Variants in WNK3 observed in about 807,000 individuals in gnomAD.
WNK3 encodes the protein WNK lysine deficient protein kinase 3.
WNK3 carries 18 observed loss-of-function variants against 116.7 expected under a neutral mutation model. The ratio of observed to expected loss-of-function variants is 0.15; its 90% CI spans 0.11 to 0.23. The LOEUF (loss-of-function observed/expected upper bound fraction) is 0.23. Ranked by LOEUF, WNK3 falls within the 10% of genes least tolerant of loss-of-function variation. The probability of loss-of-function intolerance (pLI) is 1.00; values close to 1 mark genes in which losing one functional copy is unlikely to be tolerated. For missense variants in WNK3, 993 were observed against 1,323.8 expected, an observed-to-expected ratio of 0.75 and a Z score of 3.88; for synonymous variants, 404 against 469.4, an observed-to-expected ratio of 0.86 and a Z score of 1.80.
Position 54,309,334 on chromosome X carries a change from G to GA in WNK3, c.711-20dup, listed in dbSNP as rs782121842. On this transcript the variant is annotated intron_variant, in intron 3 of 23. Coordinates refer to ENST00000354646, the Ensembl canonical transcript of WNK3. ...TAAGTACCTATACAAAGAAACAAAA[G>GA]ACCATGTGTAAACAAACATATCCAA... 5.9e-5 allele frequency: 67 copies of GA among 1,132,747 alleles called. No homozygotes were observed. Among genetic ancestry groups the GA allele is most frequent in the Non-Finnish European group, 2.4e-6 (2 of 828,746 alleles). The allele number at this position is 1,132,747 out of a possible 1,213,427, so 93.4% of individuals were successfully genotyped here. A position where few individuals can be genotyped will look rare whatever the true frequency, so the allele number is the denominator to read the frequency against.
intron 2 of WNK3, among the ~76,000 whole-genome samples, chrX:54,313,970 T>A (rs1350534808): frequency 9.1e-6 from 1 of 109,445 alleles, no homozygotes; most frequent in Non-Finnish European, 1.9e-5. Flanking sequence ...GGCGGGCAGA[T>A]CGCCTGAGGT....
intron 20 of WNK3, among the ~76,000 whole-genome samples, chrX:54,233,483 G>A (rs782530827): frequency 3.9e-5 from 4 of 102,234 alleles, no homozygotes; most frequent in East Asian, 3.1e-4. Flanking sequence ...GAGGGAGGGA[G>A]GGAGGGAAGG....
intron 10 of WNK3, among the ~76,000 whole-genome samples, chrX:54,275,415 ATGTGTGTG>A (rs782672834): frequency 0.031 from 1,983 of 64,376 alleles, 22 homozygotes; most frequent in Non-Finnish European, 0.042. Flanking sequence ...ATAAGTTCAT[ATGTGTGTG>A]TGTGTGTGTG....
intron 2 of WNK3, among the ~76,000 whole-genome samples, chrX:54,324,813 G>A (rs1557172940): frequency 1.8e-5 from 2 of 112,447 alleles, no homozygotes; most frequent in African/African-American, 6.4e-5. Flanking sequence ...GTCCCAGTGC[G>A]AATACTGTAA....
intron 12 of WNK3, 131 bp downstream of exon 12, chrX:54,255,609 T>C: frequency 2.0e-6 from 1 of 500,598 alleles, no homozygotes; most frequent in South Asian, 7.7e-5. Context: ...CATTGGAAAG[T>C]CTGTAACGGA....
chrX:54,344,509 T>C (rs1299059210), intron 1 of WNK3, among the ~76,000 whole-genome samples: 1 of 112,718 alleles, frequency 8.9e-6, no homozygotes, highest in Admixed American at 9.4e-5. Flanking sequence ...AAGGTTCACA[T>C]GTTCCTTTTG....
intron 10 of WNK3, among the ~76,000 whole-genome samples, chrX:54,271,981 C>T (rs1052080880): frequency 8.9e-6 from 1 of 112,182 alleles, no homozygotes; most frequent in Non-Finnish European, 1.9e-5. Context: ...AGATACAAAG[C>T]AATACATGCC....
chrX:54,239,105 G>A lies in WNK3; in HGVS notation c.3652-6C>T. 2.0e-6 allele frequency: 2 copies of A among 977,916 alleles called. No homozygotes were observed. Among genetic ancestry groups the A allele is most frequent in the South Asian group, 2.9e-5 (1 of 34,245 alleles). The allele number at this position is 977,916 out of a possible 1,213,427, so 80.6% of individuals were successfully genotyped here. A position where few individuals can be genotyped will look rare whatever the true frequency, so the allele number is the denominator to read the frequency against. ...GAAGCATCTGAGGACATCTCCTAAT[G>A]GAGACAAAACAAAACAAAACAAAAC... On this transcript the variant is annotated splice_polypyrimidine_tract_variant and splice_region_variant and intron_variant, in intron 17 of 23. Transcript: ENST00000354646.
At chrX:54,234,854 CCAAAA>C (rs1407847509) in intron 20 of WNK3, among the ~76,000 whole-genome samples, 10 of 108,554 alleles carry the variant, frequency 9.2e-5, no homozygotes, top group South Asian at 3.9e-4. Context: ...AAAAACCAAA[CCAAAA>C]CAAAACAAAA....
intron 11 of WNK3, among the ~76,000 whole-genome samples, chrX:54,259,023 A>C (rs1340593756): frequency 3.7e-5 from 4 of 109,276 alleles, no homozygotes; most frequent in Non-Finnish European, 7.6e-5. Context: ...CTTAACCCTT[A>C]CCAGCTTTTC....
At chrX:54,298,645 C>T (rs1365826708) in intron 6 of WNK3, among the ~76,000 whole-genome samples, 1 of 111,734 alleles carries the variant, frequency 8.9e-6, no homozygotes, top group Non-Finnish European at 1.9e-5. Flanking sequence ...TACGGAGTGA[C>T]TTCAATTAAA....
intron 1 of WNK3, among the ~76,000 whole-genome samples, chrX:54,336,478 A>G (rs375437248): frequency 2.0e-4 from 22 of 111,025 alleles, no homozygotes; most frequent in Admixed American, 1.4e-3. Flanking sequence ...TTTTTCTGGG[A>G]AAAAAAATGC....
intron 2 of WNK3, among the ~76,000 whole-genome samples, chrX:54,316,439 T>C (rs2982679): frequency 0.23 from 23,360 of 101,541 alleles, 5,649 homozygotes; most frequent in African/African-American, 0.72. Flanking sequence ...ACTTGGGAGG[T>C]TGAGGCAGGA....
At chrX:54,325,226 G>T (rs1443113301) in intron 2 of WNK3, among the ~76,000 whole-genome samples, 2 of 111,041 alleles carry the variant, frequency 1.8e-5, no homozygotes, top group African/African-American at 6.5e-5. Flanking sequence ...AGCTCGAGTT[G>T]TTAGATATCT....
At chrX:54,294,873 C>T (rs2068680299) in intron 7 of WNK3, 26 bp from the exon 8 acceptor site, 2 of 1,117,629 alleles carry the variant, frequency 1.8e-6, no homozygotes, top group African/African-American at 3.7e-5. Flanking sequence ...AATAAGCAAA[C>T]TACTTCTTTA....
At chrX:54,209,978 A>G (rs1187311536) in intron 22 of WNK3, among the ~76,000 whole-genome samples, 10 of 111,959 alleles carry the variant, frequency 8.9e-5, no homozygotes, top group Non-Finnish European at 1.9e-4. Context: ...TACAGTGGAG[A>G]GACTGGTATT....
chrX:54,246,167 T>C (rs782506583), intron 17 of WNK3, among the ~76,000 whole-genome samples: 4 of 111,964 alleles, frequency 3.6e-5, no homozygotes, highest in South Asian at 7.4e-4. Flanking sequence ...GCATTCTTTA[T>C]ATATTTTAGA....
intron 21 of WNK3, 77 bp downstream of exon 21, chrX:54,232,732 A>T (rs782338849): frequency 1.3e-4 from 111 of 837,547 alleles, no homozygotes; most frequent in Non-Finnish European, 1.7e-4. Flanking sequence ...TTAAAAATAA[A>T]TTGTATTATA....
intron 2 of WNK3, among the ~76,000 whole-genome samples, chrX:54,324,348 A>C (rs782672706): frequency 6.2e-5 from 7 of 112,044 alleles, no homozygotes; most frequent in African/African-American, 2.3e-4. Context: ...GGACATGGAC[A>C]TCTTTGGGGG....
Sources: allele counts gnomAD v4.1 joint callset (sites outside exome capture counted in the v4.1 genomes callset), GRCh38; gene constraint gnomAD v4.1.1; transcripts MANE v1.5; gene names NCBI Gene and HGNC (gene_info 2026-07-23, HGNC 2026-07-21).